The following STOX2 variants were observed in gnomAD, a reference collection of about 807,000 sequenced individuals.
STOX2 encodes the protein storkhead box 2, also known as storkhead-box protein 2.
In STOX2, 28 loss-of-function variants were observed where a neutral mutation model predicts 60.9. The observed-to-expected ratio is 0.46, with a 90% CI of 0.34 to 0.63. STOX2 has a LOEUF of 0.63. STOX2 is among the 30% of genes least tolerant of loss of function. The probability of loss-of-function intolerance (pLI) is 0.01; values close to 1 mark genes in which losing one functional copy is unlikely to be tolerated. For synonymous variants in STOX2, 472 were observed against 463.9 expected, an observed-to-expected ratio of 1.02 and a Z score of -0.22; for missense variants, 1,024 against 1,187.7, an observed-to-expected ratio of 0.86 and a Z score of 2.03.
At chr4:183,934,136 G>C (rs13137316) in intron 1 of STOX2, among the ~76,000 whole-genome samples, 134,243 of 151,862 alleles carry the variant, frequency 0.88, 59,937 homozygotes, top group Middle Eastern at 0.96. Flanking sequence ...AACTCCGTCT[G>C]TACTTAAAAT....
At chr4:183,826,966 G>A (rs1425348584) in intron 1 of STOX2, among the ~76,000 whole-genome samples, 1 of 152,140 alleles carries the variant, frequency 6.6e-6, no homozygotes, top group Non-Finnish European at 1.5e-5. Flanking sequence ...GATATGCCAG[G>A]CATTACATAT....
intron 1 of STOX2, among the ~76,000 whole-genome samples, chr4:183,908,523 G>C (rs1036937980): frequency 6.6e-6 from 1 of 151,450 alleles, no homozygotes; most frequent in Non-Finnish European, 1.5e-5. Context: ...AGGAGGGTTG[G>C]TGGCCATCAT....
intron 1 of STOX2, among the ~76,000 whole-genome samples, chr4:183,892,531 C>G (rs1439532899): frequency 6.6e-6 from 1 of 152,186 alleles, no homozygotes; most frequent in Non-Finnish European, 1.5e-5. Context: ...CCGCCCGCCT[C>G]GGCTTCCCAA....
At chr4:183,940,606 G>A (rs1408432099) in intron 1 of STOX2, among the ~76,000 whole-genome samples, 2 of 152,018 alleles carry the variant, frequency 1.3e-5, no homozygotes, top group South Asian at 2.1e-4. Context: ...AACACAGCAC[G>A]GTCTAATTTG....
At chr4:183,867,529 T>A (rs1740598624) in intron 1 of STOX2, among the ~76,000 whole-genome samples, 1 of 152,208 alleles carries the variant, frequency 6.6e-6, no homozygotes, top group Non-Finnish European at 1.5e-5. Flanking sequence ...TAAAAGCATA[T>A]TAAAGTGTCA....
upstream of STOX2, among the ~76,000 whole-genome samples, chr4:183,904,724 T>C (rs1284882707): frequency 5.3e-5 from 8 of 152,268 alleles, no homozygotes; most frequent in Admixed American, 4.6e-4. Context: ...GCTCTAATTC[T>C]AGATTTTATA....
intron 1 of STOX2, among the ~76,000 whole-genome samples, chr4:183,843,283 G>A: frequency 6.6e-6 from 1 of 152,048 alleles, no homozygotes; most frequent in East Asian, 1.9e-4. Context: ...TCAGAACCTT[G>A]GCCACACAGT....
chr4:183,998,058 G>A (rs537259980), intron 1 of STOX2, among the ~76,000 whole-genome samples: 8 of 152,272 alleles, frequency 5.3e-5, no homozygotes, highest in South Asian at 2.1e-4. Context: ...CAGAGAGTTC[G>A]AGTTTCCTCT....
chr4:183,992,434 ATCATCAG>A (rs1733151477), intron 1 of STOX2, among the ~76,000 whole-genome samples: 1 of 152,252 alleles, frequency 6.6e-6, no homozygotes, highest in Non-Finnish European at 1.5e-5. Flanking sequence ...GTTGGGAAAT[ATCATCAG>A]TGGAAACTGG....
rs202163788 is a variant in STOX2 at position 184,011,088 on chromosome 4, G to A, written c.2250G>A (p.Ala750=). Residue 750 remains alanine, a synonymous_variant, in exon 3 of 4, where the codon GCG becomes GCA. Transcript: ENST00000308497. This position sits in a 1 kb window ranked among gnomAD's most constrained non-coding sequence, Gnocchi z 4.4. ...EKLEPSLGTS[A]AQAMPASQRQ... The stretch of plus-strand genomic sequence containing the variant: ...TGGAACCGTCCCTGGGGACCTCGGC[G>A]GCACAAGCCATGCCTGCTTCCCAGC... The A allele has an allele frequency of 4.6e-5, 73 of 1,597,430 alleles. No homozygotes were observed. In the African/African-American group the frequency reaches 5.8e-4, roughly 13 times the overall value.
chr4:184,018,287 C>T lies in STOX2; in HGVS notation c.*1003C>T, dbSNP rs949884212. 7 of 152,142 alleles carry T rather than the reference C, an allele frequency of 4.6e-5. No individual in the cohort carries two copies. Among genetic ancestry groups the T allele is most frequent in the African/African-American group, 1.4e-4 (6 of 41,416 alleles). The allele number at this position is 152,142 out of a possible 1,614,324, so 9.4% of individuals were successfully genotyped here. On this transcript the variant is annotated 3_prime_UTR_variant, in exon 4 of 4. Transcript: ENST00000308497. Reference sequence around the variant, plus strand: ...GATGTTATTCTTTCTAATGGAAGGACATAAATCTATTTTATGTAGTTTTAA... The same window carrying T: ...GATGTTATTCTTTCTAATGGAAGGATATAAATCTATTTTATGTAGTTTTAA...
chr4:183,842,427 A>G (rs1007191632), intron 1 of STOX2, among the ~76,000 whole-genome samples: 2 of 152,234 alleles, frequency 1.3e-5, no homozygotes, highest in Non-Finnish European at 2.9e-5. Flanking sequence ...CTCATTAGTT[A>G]TAAAAATAAA....
chr4:183,893,619 CTAT>C (rs1741277599), intron 1 of STOX2, among the ~76,000 whole-genome samples: 1 of 151,694 alleles, frequency 6.6e-6, no homozygotes, highest in African/African-American at 2.4e-5. Context: ...ATAAAATACA[CTAT>C]TATTTTACAT....
chr4:183,798,754 G>A, intron 1 of STOX2: 1 of 985,430 alleles, frequency 1.0e-6, no homozygotes. Context: ...GAGGGGCAGA[G>A]TCGCCCAGAG....
At chr4:183,838,359 T>TTAAA (rs201124773) in intron 1 of STOX2, among the ~76,000 whole-genome samples, 33 of 151,644 alleles carry the variant, frequency 2.2e-4, no homozygotes, top group Admixed American at 3.9e-4. Context: ...ATGAAATTTG[T>TTAAA]TAAATAAATA....
At chr4:183,922,158 G>A (rs549577984) in intron 1 of STOX2, among the ~76,000 whole-genome samples, 13 of 152,088 alleles carry the variant, frequency 8.5e-5, no homozygotes, top group Non-Finnish European at 1.6e-4. Context: ...TATAGAAATT[G>A]CATTCATCTG....
At chr4:183,899,643 C>G (rs952385276) in intron 1 of STOX2, among the ~76,000 whole-genome samples, 1 of 152,056 alleles carries the variant, frequency 6.6e-6, no homozygotes, top group Non-Finnish European at 1.5e-5. Flanking sequence ...GAAGAAGCTG[C>G]GAAGGAAAGT....
intron 1 of STOX2, among the ~76,000 whole-genome samples, chr4:183,839,821 A>G (rs1209789733): frequency 6.6e-6 from 1 of 152,226 alleles, no homozygotes; most frequent in Non-Finnish European, 1.5e-5. Context: ...TGCAGATTGC[A>G]TGAGTAAAGA....
At chr4:183,936,298 C>G (rs1386804040) in intron 1 of STOX2, among the ~76,000 whole-genome samples, 1 of 152,168 alleles carries the variant, frequency 6.6e-6, no homozygotes, top group East Asian at 1.9e-4. Flanking sequence ...GTAGCCTAGC[C>G]TAGCCCACCT....
Sources: allele counts gnomAD v4.1 joint callset (sites outside exome capture counted in the v4.1 genomes callset), GRCh38; gene constraint gnomAD v4.1.1; non-coding constraint Gnocchi (gnomAD v3.1); transcripts MANE v1.5; gene names NCBI Gene and HGNC (gene_info 2026-07-23, HGNC 2026-07-21).